The following ANO3 variants were observed in gnomAD, a reference collection of about 807,000 sequenced individuals.
ANO3 encodes the protein anoctamin-3.
Under a neutral mutation model 144.8 loss-of-function variants are expected in ANO3, and 99 were observed. That is an observed-to-expected ratio of 0.68 (90% confidence interval 0.58 to 0.81). ANO3 has a LOEUF of 0.81. ANO3 is among the 30% of genes least tolerant of loss of function. The pLI is 0.00. For missense variants in ANO3, 905 were observed against 1,202.2 expected (o/e 0.75, Z 3.66); for synonymous variants, 414 against 392.6 (o/e 1.05, Z -0.64).
rs144542096 is a variant in ANO3 at position 26,449,152 on chromosome 11, A to G, written c.313+5316A>G. On this transcript the variant is annotated intron_variant, in intron 3 of 26. Transcript: ENST00000256737. ...CTCACGAGCTGCAGACAGCTCAACC[A>G]TCTTGTGTTCCTTGTTCACAATAAA... Among the ~76,000 whole-genome samples, 8 of 152,224 alleles carry G rather than the reference A, an allele frequency of 5.3e-5. No individual in the cohort carries two copies. In the East Asian group the frequency reaches 1.5e-3, roughly 29 times the overall value.
At chr11:26,238,804 T>G (rs1354621128) in intron 1 of ANO3, among the ~76,000 whole-genome samples, 1 of 152,052 alleles carries the variant, frequency 6.6e-6, no homozygotes, top group Admixed American at 6.6e-5. Flanking sequence ...TCATCTTACT[T>G]GTTGCCTAAT....
At chr11:26,193,131 CCTAT>C (rs1367715019) in intron 1 of ANO3, among the ~76,000 whole-genome samples, 4 of 143,998 alleles carry the variant, frequency 2.8e-5, no homozygotes, top group East Asian at 4.0e-4. Flanking sequence ...TTTGATTTTG[CCTAT>C]CTTTTTTTTT....
chr11:26,459,994 A>T (rs1446242643), intron 3 of ANO3: 1 of 360,284 alleles, frequency 2.8e-6, no homozygotes, highest in African/African-American at 2.2e-5. Context: ...TGCTCTTAAA[A>T]CATGTTGATG....
intron 1 of ANO3, among the ~76,000 whole-genome samples, chr11:26,386,834 G>T (rs1211030714): frequency 6.6e-6 from 1 of 152,132 alleles, no homozygotes; most frequent in Admixed American, 6.6e-5. Flanking sequence ...AAAGAACACT[G>T]TGGATATAAT....
At position 26,575,970 on chromosome 11, in the gene ANO3, T is replaced by C. The variant is rs926938387; in HGVS notation, c.1447+16191T>C. 4.5e-4 allele frequency among the ~76,000 whole-genome samples: 68 copies of C among 152,224 alleles called. 1 individual carries two copies. Among genetic ancestry groups the C allele is most frequent in the African/African-American group, 1.6e-3 (65 of 41,446 alleles). The stretch of plus-strand genomic sequence containing the variant: ...ATTTAAAAAATAAACAATACTTTCT[T>C]CAGAATGATACTTTTGCTGACGTGA... On this transcript the variant is annotated intron_variant, in intron 14 of 26. Coordinates refer to ENST00000256737, the MANE Select transcript of ANO3 (RefSeq NM_031418.4).
chr11:26,306,924 C>T (rs1183887795), upstream of ANO3, among the ~76,000 whole-genome samples: 2 of 152,136 alleles, frequency 1.3e-5, no homozygotes, highest in Non-Finnish European at 2.9e-5. Context: ...ATTCTATTTA[C>T]AATGCCACAA....
intron 1 of ANO3, among the ~76,000 whole-genome samples, chr11:26,194,063 A>C (rs1851529306): frequency 6.6e-6 from 1 of 152,202 alleles, no homozygotes; most frequent in South Asian, 2.1e-4. Context: ...AATGTCAAAA[A>C]CCATTTAGCA....
At chr11:26,355,854 C>G (rs1855769028) in intron 1 of ANO3, among the ~76,000 whole-genome samples, 1 of 152,190 alleles carries the variant, frequency 6.6e-6, no homozygotes, top group Non-Finnish European at 1.5e-5. Context: ...GCCACCGTGC[C>G]AAGCCCCCGC....
At chr11:26,651,410 T>A (rs1853528422) in intron 24 of ANO3, among the ~76,000 whole-genome samples, 1 of 152,134 alleles carries the variant, frequency 6.6e-6, no homozygotes, top group Admixed American at 6.5e-5. Flanking sequence ...GAGACCAGAT[T>A]TTCTACTTAT....
intron 1 of ANO3, among the ~76,000 whole-genome samples, chr11:26,222,952 T>G (rs1852178602): frequency 6.6e-6 from 1 of 152,190 alleles, no homozygotes. Context: ...TCTCATTATC[T>G]TTGATATTAG....
chr11:26,423,110 G>T (rs563585641), intron 1 of ANO3, among the ~76,000 whole-genome samples: 24 of 151,864 alleles, frequency 1.6e-4, no homozygotes, highest in Non-Finnish European at 2.9e-4. Flanking sequence ...CGTATGTATG[G>T]AGAGTCTTCT....
At chr11:26,532,187 T>C (rs767890533) in intron 8 of ANO3, among the ~76,000 whole-genome samples, 1 of 152,176 alleles carries the variant, frequency 6.6e-6, no homozygotes, top group Non-Finnish European at 1.5e-5. Flanking sequence ...AACCCTCCTT[T>C]TCCCCATAGC....
At chr11:26,304,855 T>C (rs1231932329), upstream of ANO3, among the ~76,000 whole-genome samples, 4 of 152,124 alleles carry the variant, frequency 2.6e-5, no homozygotes, top group Non-Finnish European at 4.4e-5. Context: ...TTAGAGTGAA[T>C]ATGTATTTTA....
chr11:26,569,925 A>G (rs922186104), intron 14 of ANO3, among the ~76,000 whole-genome samples: 9 of 151,838 alleles, frequency 5.9e-5, no homozygotes, highest in South Asian at 2.1e-4. Flanking sequence ...TAATGATTTC[A>G]CCTCCTGATC....
In ANO3 at chr11:26,463,168, C is replaced by T; in HGVS notation, c.432+20C>T. 7.8e-7 allele frequency: 1 copy of T among 1,276,824 alleles called. No homozygotes were observed. The highest frequency in any genetic ancestry group is 1.1e-6 in the Non-Finnish European group (1 of 900,114). The allele number at this position is 1,276,824 out of a possible 1,614,324, so 79.1% of individuals were successfully genotyped here. On this transcript the variant is annotated intron_variant, in intron 4 of 26. Transcript: ENST00000256737. ...TCTAAGGTAATGAGAACTAAATTAT[C>T]AATAAGTCATTTTTAGAGCATCATT...
At chr11:26,520,822 C>A (rs1050469397) in intron 6 of ANO3, among the ~76,000 whole-genome samples, 1 of 152,038 alleles carries the variant, frequency 6.6e-6, no homozygotes, top group African/African-American at 2.4e-5. Context: ...AGCAAGCATT[C>A]CAAATGTTTG....
intron 24 of ANO3, among the ~76,000 whole-genome samples, chr11:26,649,176 A>C (rs1403544356): frequency 1.3e-5 from 2 of 152,234 alleles, no homozygotes. Flanking sequence ...TAGCAAAAAC[A>C]AAACGAGACT....
chr11:26,256,772 AGGG>A (rs1853067332), intron 1 of ANO3, among the ~76,000 whole-genome samples: 1 of 152,122 alleles, frequency 6.6e-6, no homozygotes, highest in African/African-American at 2.4e-5. Context: ...CTACTTTTAC[AGGG>A]TAAATTTAAA....
intron 10 of ANO3, among the ~76,000 whole-genome samples, chr11:26,538,777 TGAAAA>T (rs1253498474): frequency 1.3e-4 from 20 of 152,168 alleles, no homozygotes; most frequent in African/African-American, 4.3e-4. Flanking sequence ...AATAAATACA[TGAAAA>T]GAACACAAAA....
Sources: allele counts gnomAD v4.1 joint callset (sites outside exome capture counted in the v4.1 genomes callset), GRCh38; gene constraint gnomAD v4.1.1; transcripts MANE v1.5; gene names NCBI Gene and HGNC (gene_info 2026-07-23, HGNC 2026-07-21).